RAPGEF4: variants seen among roughly 807,000 people sequenced by gnomAD.
The protein encoded by RAPGEF4 is Rap guanine nucleotide exchange factor 4.
RAPGEF4 carries 66 observed loss-of-function variants against 147.9 expected under a neutral mutation model. The ratio of observed to expected loss-of-function variants is 0.45; its 90% confidence interval spans 0.37 to 0.55. The LOEUF is 0.55. RAPGEF4 is among the 20% of genes least tolerant of loss of function. The probability of loss-of-function intolerance (pLI) is 0.00; values close to 1 mark genes in which losing one functional copy is unlikely to be tolerated. For missense variants in RAPGEF4, 1,071 were observed against 1,257.3 expected, an observed-to-expected ratio of 0.85 and a Z score of 2.24; for synonymous variants, 419 against 442.7, an observed-to-expected ratio of 0.95 and a Z score of 0.67.
At chr2:172,977,426 C>G (rs1691191313) in intron 10 of RAPGEF4, among the ~76,000 whole-genome samples, 1 of 151,968 alleles carries the variant, frequency 6.6e-6, no homozygotes, top group African/African-American at 2.4e-5. Flanking sequence ...TGATCAGGTG[C>G]TCTTTGAGGG....
In RAPGEF4 at chr2:173,036,708, TA is replaced by T. The variant is rs778985086; in HGVS notation, c.2853+18del. On this transcript the variant is annotated intron_variant, in intron 29 of 30. Coordinates refer to ENST00000397081, the MANE Select transcript of RAPGEF4 (RefSeq NM_007023.4). ...TGAAAAAATGGTATGTGCAGTATTATAACCTTAACCACAATGTGTTTTTAAA... is the reference window on the plus strand; with the variant it reads ...TGAAAAAATGGTATGTGCAGTATTATACCTTAACCACAATGTGTTTTTAAA... The T allele has an allele frequency of 9.8e-6, 15 of 1,538,202 alleles. No individual in the cohort carries two copies. In the East Asian group the frequency reaches 1.1e-4, roughly 12 times the overall value.
intron 4 of RAPGEF4, among the ~76,000 whole-genome samples, chr2:172,878,189 T>C (rs922918131): frequency 2.6e-5 from 4 of 152,246 alleles, no homozygotes; most frequent in African/African-American, 9.6e-5. Flanking sequence ...GGGGAAGTGA[T>C]GCTGTGGTTA....
At chr2:172,813,951 A>G (rs1250736939) in intron 3 of RAPGEF4, among the ~76,000 whole-genome samples, 1 of 152,222 alleles carries the variant, frequency 6.6e-6, no homozygotes, top group Non-Finnish European at 1.5e-5. Flanking sequence ...TGAGCAAAAA[A>G]GAAGCTAGGC....
intron 10 of RAPGEF4, among the ~76,000 whole-genome samples, chr2:172,972,675 G>A (rs1690621648): frequency 6.6e-6 from 1 of 152,108 alleles, no homozygotes; most frequent in Non-Finnish European, 1.5e-5. Context: ...ATATCCACAT[G>A]GCCTGAAACC....
At chr2:173,021,345 A>G (rs1483477478) in intron 23 of RAPGEF4, among the ~76,000 whole-genome samples, 5 of 152,218 alleles carry the variant, frequency 3.3e-5, no homozygotes, top group Non-Finnish European at 7.3e-5. Flanking sequence ...AGCTAGTAAC[A>G]TATCTTAGAA....
intron 6 of RAPGEF4, among the ~76,000 whole-genome samples, chr2:172,923,414 A>T (rs1684964926): frequency 6.6e-6 from 1 of 152,232 alleles, no homozygotes; most frequent in East Asian, 1.9e-4. Flanking sequence ...GATTACAGGC[A>T]TGCACCACCA....
intron 10 of RAPGEF4, among the ~76,000 whole-genome samples, chr2:172,975,230 A>C (rs1217230093): frequency 6.6e-6 from 1 of 152,224 alleles, no homozygotes; most frequent in Non-Finnish European, 1.5e-5. Flanking sequence ...CACATAAAAA[A>C]CACTGAAAAC....
intron 6 of RAPGEF4, among the ~76,000 whole-genome samples, chr2:172,935,038 A>G (rs1188586774): frequency 6.6e-6 from 1 of 152,114 alleles, no homozygotes; most frequent in South Asian, 2.1e-4. Flanking sequence ...TTAACCAGGT[A>G]TGGTGGCACG....
Position 173,052,228 on chromosome 2 carries a change from A to G in RAPGEF4, c.*461A>G, listed in dbSNP as rs1385359383. On this transcript the variant is annotated 3_prime_UTR_variant, in exon 31 of 31. Coordinates refer to ENST00000397081, the MANE Select transcript of RAPGEF4 (RefSeq NM_007023.4). ...GTTTCGGGAAGGTGTTGAGGAATCT[A>G]TAGAAGTCCAAATTATAGGTTGTAT... 1.3e-5 allele frequency: 2 copies of G among 153,788 alleles called. No homozygotes were observed. The allele number at this position is 153,788 out of a possible 1,614,324, so 9.5% of individuals were successfully genotyped here.
intron 4 of RAPGEF4, among the ~76,000 whole-genome samples, chr2:172,872,930 C>A (rs1346502510): frequency 6.6e-6 from 1 of 152,158 alleles, no homozygotes; most frequent in Non-Finnish European, 1.5e-5. Context: ...CCTCTCACTT[C>A]AGGCTTTCTA....
intron 27 of RAPGEF4, among the ~76,000 whole-genome samples, chr2:173,035,021 C>A (rs1447875596): frequency 6.6e-6 from 1 of 151,844 alleles, no homozygotes; most frequent in Non-Finnish European, 1.5e-5. Flanking sequence ...AACACCTCCA[C>A]CCCCATGCAG....
chr2:172,926,469 G>A (rs1218819037), intron 6 of RAPGEF4, among the ~76,000 whole-genome samples: 1 of 152,138 alleles, frequency 6.6e-6, no homozygotes, highest in Non-Finnish European at 1.5e-5. Context: ...GTAGACTCAC[G>A]GAGATATTAC....
intron 1 of RAPGEF4, among the ~76,000 whole-genome samples, chr2:172,778,561 G>A (rs1194702614): frequency 1.3e-5 from 2 of 152,090 alleles, no homozygotes; most frequent in African/African-American, 4.8e-5. Flanking sequence ...AGTTGCTGGT[G>A]TGAAAATGGT....
At chr2:172,780,960 A>G (rs1428834773) in intron 1 of RAPGEF4, among the ~76,000 whole-genome samples, 1 of 152,152 alleles carries the variant, frequency 6.6e-6, no homozygotes, top group African/African-American at 2.4e-5. Flanking sequence ...CTTCTTTCAT[A>G]TTCATAACAT....
rs200688341 is a variant in RAPGEF4 at position 172,988,321 on chromosome 2, G to T, written c.1227+49G>T. On this transcript the variant is annotated intron_variant, in intron 13 of 30. Transcript: ENST00000397081. ...AAACTTTATTACGCTCCACTTACTAGTGTGGCTCTAAGTATTAGCAATGTA... is the reference window on the plus strand; with the variant it reads ...AAACTTTATTACGCTCCACTTACTATTGTGGCTCTAAGTATTAGCAATGTA... The T allele has an allele frequency of 3.2e-6, 5 of 1,570,360 alleles. No homozygotes were observed. The Admixed American group carries it at 8.0e-5, about 25-fold the overall frequency.
chr2:172,983,599 T>C lies in RAPGEF4; in HGVS notation c.1089+19T>C, dbSNP rs1459495607. On this transcript the variant is annotated intron_variant, in intron 11 of 30. Coordinates refer to ENST00000397081, the MANE Select transcript of RAPGEF4 (RefSeq NM_007023.4). ...TACCACAGTAAGTTGTCTCTTAGTT[T>C]AGCATGGTTGGAGCACTTTGCAATA... 1 of 1,612,452 alleles carries C rather than the reference T, an allele frequency of 6.2e-7. No individual in the cohort carries two copies. Among genetic ancestry groups the C allele is most frequent in the East Asian group, 2.2e-5 (1 of 44,870 alleles).
At position 172,846,712 on chromosome 2, in the gene RAPGEF4, G is replaced by A. The variant is rs146928322; in HGVS notation, c.444+32287G>A. On this transcript the variant is annotated intron_variant, in intron 4 of 30. Transcript: ENST00000397081. ...ATGGTCCTGCATTCTTGAGATTTCC[G>A]CTTTACTGTAGGAGACAGAGCACTT... Among the ~76,000 whole-genome samples, 25 of 152,274 alleles carry A rather than the reference G, an allele frequency of 1.6e-4. No individual in the cohort carries two copies. In the East Asian group the frequency reaches 4.4e-3, roughly 27 times the overall value.
At chr2:172,943,642 G>A (rs1687389309) in intron 6 of RAPGEF4, among the ~76,000 whole-genome samples, 1 of 152,196 alleles carries the variant, frequency 6.6e-6, no homozygotes, top group Non-Finnish European at 1.5e-5. Flanking sequence ...CTGGATTCCT[G>A]TGCTGAAGCA....
intron 1 of RAPGEF4, among the ~76,000 whole-genome samples, chr2:172,790,882 T>G (rs1256863214): frequency 6.6e-6 from 1 of 152,192 alleles, no homozygotes; most frequent in East Asian, 1.9e-4. Flanking sequence ...TGGTCTGTTT[T>G]GTGCTGCTAT....
Sources: gnomAD v4.1 joint callset for allele counts (sites outside exome capture counted in the v4.1 genomes callset) on GRCh38, gnomAD v4.1.1 for gene constraint, MANE v1.5 for transcripts, NCBI Gene and HGNC (gene_info 2026-07-23, HGNC 2026-07-21) for gene names.